Variants in CAMK2B observed in about 807,000 individuals in gnomAD.
CAMK2B encodes calcium/calmodulin dependent protein kinase II beta, also known as calcium/calmodulin-dependent protein kinase type II subunit beta.
Under a neutral mutation model 93.7 loss-of-function variants are expected in CAMK2B, and 27 were observed. The observed-to-expected ratio is 0.29, with a 90% confidence interval of 0.21 to 0.40. The LOEUF (loss-of-function observed/expected upper bound fraction) is 0.40. CAMK2B is among the 10% of genes least tolerant of loss of function. The probability of loss-of-function intolerance (pLI) is 1.00; values close to 1 mark genes in which losing one functional copy is unlikely to be tolerated. For synonymous variants in CAMK2B, 374 were observed against 358.8 expected (o/e 1.04, Z -0.48); for missense variants, 568 against 895.8 (o/e 0.63, Z 4.67).
rs558455950 is a variant in CAMK2B, at chr7:44,302,085, G to A, written c.66-17860C>T. On this transcript the variant is annotated intron_variant, in intron 1 of 23. Coordinates refer to ENST00000395749, the MANE Select transcript of CAMK2B (RefSeq NM_001220.5). ...GTGGGGCCACCAATACAGATCCCAC[G>A]GATATTAAAAGACTAATAAAGAAAT... Among the ~76,000 whole-genome samples, 11 of 152,112 alleles carry A rather than the reference G, an allele frequency of 7.2e-5. No homozygotes were observed. The South Asian group carries it at 1.4e-3, about 20-fold the overall frequency.
upstream of CAMK2B, chr7:44,325,803 C>T (rs1339101457): frequency 2.0e-5 from 3 of 152,968 alleles, no homozygotes; most frequent in East Asian, 2.0e-4. Flanking sequence ...ACACCCTTGC[C>T]CCGCACCCGC....
chr7:44,254,454 G>A, intron 5 of CAMK2B, 88 bp downstream of exon 5: 1 of 968,584 alleles, frequency 1.0e-6, no homozygotes, highest in Non-Finnish European at 1.7e-6. Flanking sequence ...CCAGACGTGG[G>A]TTAGAAAGAG....
chr7:44,297,261 T>G (rs1303399980), intron 1 of CAMK2B, among the ~76,000 whole-genome samples: 1 of 151,722 alleles, frequency 6.6e-6, no homozygotes, highest in African/African-American at 2.4e-5. Flanking sequence ...TATAGGTATA[T>G]GGCAAACTCT....
At chr7:44,310,107 C>A (rs989143178) in intron 1 of CAMK2B, among the ~76,000 whole-genome samples, 11 of 152,268 alleles carry the variant, frequency 7.2e-5, no homozygotes, top group African/African-American at 2.4e-4. Context: ...TTAGGATACG[C>A]TTTGTGCCCG....
At chr7:44,244,279 C>T (rs2096709969) in intron 6 of CAMK2B, among the ~76,000 whole-genome samples, 1 of 152,180 alleles carries the variant, frequency 6.6e-6, no homozygotes, top group African/African-American at 2.4e-5. Flanking sequence ...AGGACATCTG[C>T]TCCCTATCTT....
At chr7:44,283,212 C>T (rs1213818043) in intron 2 of CAMK2B, among the ~76,000 whole-genome samples, 5 of 152,244 alleles carry the variant, frequency 3.3e-5, no homozygotes, top group East Asian at 3.8e-4. Flanking sequence ...GCAGCTGCCC[C>T]GGGAGGCCTC....
rs374830825 is a variant in CAMK2B, at chr7:44,236,162, C to G, written c.1022-1486G>C. 3.3e-5 allele frequency among the ~76,000 whole-genome samples: 5 copies of G among 152,328 alleles called. No individual in the cohort carries two copies. The South Asian group carries it at 1.0e-3, about 32-fold the overall frequency. On this transcript the variant is annotated intron_variant, in intron 13 of 23. Transcript: ENST00000395749. ...CCGTGGAGATCAGGAGGCTGCACCCCGCAGGGCATAGACAGGCCTGGGCCT... is the reference window on the plus strand; with the variant it reads ...CCGTGGAGATCAGGAGGCTGCACCCGGCAGGGCATAGACAGGCCTGGGCCT...
chr7:44,280,956 C>T (rs930757832), intron 2 of CAMK2B, among the ~76,000 whole-genome samples: 4 of 152,208 alleles, frequency 2.6e-5, no homozygotes, highest in African/African-American at 9.7e-5. Flanking sequence ...AAGGCTCCAA[C>T]ATGAAGTGTT....
chr7:44,322,659 C>T (rs1484174257), intron 1 of CAMK2B, among the ~76,000 whole-genome samples: 5 of 152,250 alleles, frequency 3.3e-5, no homozygotes, highest in Non-Finnish European at 1.5e-5. Context: ...AGGGCACACA[C>T]TCCCTATAGA....
At chr7:44,284,260 C>A (rs1324376405) in intron 1 of CAMK2B, 35 bp from the exon 2 acceptor site, 11 of 1,404,630 alleles carry the variant, frequency 7.8e-6, no homozygotes, top group Non-Finnish European at 1.1e-5. Flanking sequence ...GAGACAGAGA[C>A]AGAGACAGAC....
intron 1 of CAMK2B, among the ~76,000 whole-genome samples, chr7:44,307,799 C>T (rs1462954009): frequency 6.6e-6 from 1 of 152,152 alleles, no homozygotes; most frequent in Non-Finnish European, 1.5e-5. Flanking sequence ...CCTGTTTTTA[C>T]CCACTGAAAG....
chr7:44,295,898 G>C (rs542432516), intron 1 of CAMK2B, among the ~76,000 whole-genome samples: 39 of 152,256 alleles, frequency 2.6e-4, no homozygotes, highest in African/African-American at 8.7e-4. Flanking sequence ...AGAAGCACTT[G>C]TGAAGGTCAC....
Position 44,231,021 on chromosome 7 carries a change from C to T in CAMK2B, c.1210G>A (p.Asp404Asn), listed in dbSNP as rs936218134. ...SSDSANTTIE[D>N]EDAKAPRVPD... ...GTGCAGGTACCTTTAGCGTCTTCAT[C>T]CTCTATGGTGGTATTGGCACTGTCA... Residue 404 changes from aspartate to asparagine, a missense_variant, in exon 17 of 24, where the codon GAT becomes AAT. Around this residue, in one of 4 missense-constraint regions of CAMK2B, gnomAD observed 308 missense variants for 292.1 expected, o/e 1.05. Transcript: ENST00000395749. 3.2e-6 allele frequency: 5 copies of T among 1,555,068 alleles called. No homozygotes were observed. The African/African-American group carries it at 4.1e-5, about 13-fold the overall frequency.
At chr7:44,263,303 C>T (rs2096895968) in intron 2 of CAMK2B, among the ~76,000 whole-genome samples, 1 of 152,236 alleles carries the variant, frequency 6.6e-6, no homozygotes, top group African/African-American at 2.4e-5. Flanking sequence ...GTAGTGAGCG[C>T]TGCTAACTCG....
At position 44,239,670 on chromosome 7, in the gene CAMK2B, G is replaced by A; in HGVS notation, c.947-7C>T. On this transcript the variant is annotated splice_polypyrimidine_tract_variant and splice_region_variant and intron_variant, in intron 12 of 23. Transcript: ENST00000395749. Reference sequence around the variant, plus strand: ...GCGGTGGTCTGTCTGCCCACTGTTAGCACCGGGTTAGAGACGAGGGGAAGG... The same window carrying A: ...GCGGTGGTCTGTCTGCCCACTGTTAACACCGGGTTAGAGACGAGGGGAAGG... 1 of 1,528,506 alleles carries A rather than the reference G, an allele frequency of 6.5e-7. No individual in the cohort carries two copies. The highest frequency in any genetic ancestry group is 8.8e-7 in the Non-Finnish European group (1 of 1,130,124). The allele number at this position is 1,528,506 out of a possible 1,614,324, so 94.7% of individuals were successfully genotyped here.
chr7:44,288,288 G>T (rs1380063079), intron 1 of CAMK2B, among the ~76,000 whole-genome samples: 1 of 152,278 alleles, frequency 6.6e-6, no homozygotes, highest in Non-Finnish European at 1.5e-5. Context: ...GGCCTAGCAG[G>T]CGGCAGCATG....
rs529417343 is a variant in CAMK2B at position 44,258,251 on chromosome 7, G to GCACA, written c.275+617_275+620dup. ...TGCAAACACACACATACACATGCAT[G>GCACA]CACACACATGCAAACGTGCATGCAT... is the stretch of plus-strand genomic sequence containing the variant. On this transcript the variant is annotated intron_variant, in intron 4 of 23. Transcript: ENST00000395749. 3.0e-3 allele frequency among the ~76,000 whole-genome samples: 462 copies of GCACA among 152,202 alleles called. 2 individuals are homozygous for GCACA. Among genetic ancestry groups the GCACA allele is most frequent in the African/African-American group, 0.011 (443 of 41,466 alleles).
At chr7:44,255,058 C>T (rs575281659) in intron 4 of CAMK2B, among the ~76,000 whole-genome samples, 6 of 152,046 alleles carry the variant, frequency 3.9e-5, no homozygotes, top group Admixed American at 1.3e-4. Flanking sequence ...CTGGTTTCCC[C>T]TCCTCAATAC....
intron 1 of CAMK2B, among the ~76,000 whole-genome samples, chr7:44,303,552 G>GA (rs1244864857): frequency 1.3e-5 from 2 of 152,030 alleles, no homozygotes; most frequent in South Asian, 2.1e-4. Context: ...ATATTCAGAT[G>GA]AAAAAAATGA....
Sources: gnomAD v4.1 joint callset for allele counts (sites outside exome capture counted in the v4.1 genomes callset) on GRCh38, gnomAD v4.1.1 for gene constraint, gnomAD v4.1.1 regional missense constraint, MANE v1.5 for transcripts, NCBI Gene and HGNC (gene_info 2026-07-23, HGNC 2026-07-21) for gene names.